Variants in PARD3 observed in about 807,000 individuals in gnomAD.
PARD3 encodes the protein partitioning defective 3 homolog.
In PARD3, 75 loss-of-function variants were observed where a neutral mutation model predicts 155.4. That is an observed-to-expected ratio of 0.48 (90% CI 0.40 to 0.58). PARD3 has a LOEUF of 0.58. PARD3 is among the 20% of genes least tolerant of loss of function. The pLI, the probability that PARD3 is intolerant of heterozygous loss-of-function variation, is 0.00. For missense variants in PARD3, 1,642 were observed against 1,721.7 expected (o/e 0.95, Z 0.82); for synonymous variants, 576 against 610.5 (o/e 0.94, Z 0.83).
chr10:34,706,349 C>G (rs1306733238), intron 1 of PARD3, among the ~76,000 whole-genome samples: 5 of 152,208 alleles, frequency 3.3e-5, no homozygotes. Context: ...CTCAGACTAA[C>G]ACTGGCAGTT....
At chr10:34,498,704 G>C (rs2080460127) in intron 3 of PARD3, among the ~76,000 whole-genome samples, 1 of 152,130 alleles carries the variant, frequency 6.6e-6, no homozygotes, top group Admixed American at 6.5e-5. Flanking sequence ...TTGAACCCAG[G>C]AGGCGGAGGT....
At chr10:34,768,778 C>A (rs1344953165) in intron 1 of PARD3, among the ~76,000 whole-genome samples, 1 of 152,244 alleles carries the variant, frequency 6.6e-6, no homozygotes, top group Non-Finnish European at 1.5e-5. Context: ...AGGCAAATGG[C>A]TTGGTCCTTG....
intron 22 of PARD3, among the ~76,000 whole-genome samples, chr10:34,192,187 C>A (rs1002484646): frequency 2.0e-5 from 3 of 152,058 alleles, no homozygotes; most frequent in African/African-American, 7.2e-5. Flanking sequence ...CCCACCTTAG[C>A]CTCCTGAGTA....
chr10:34,603,234 GC>G (rs1470337100), intron 2 of PARD3, among the ~76,000 whole-genome samples: 3 of 152,160 alleles, frequency 2.0e-5, no homozygotes, highest in Admixed American at 6.5e-5. Context: ...TTGGTGGGCT[GC>G]AAGTTTAAAT....
intron 20 of PARD3, among the ~76,000 whole-genome samples, chr10:34,302,417 C>A (rs994663567): frequency 1.3e-4 from 20 of 152,166 alleles, no homozygotes; most frequent in Admixed American, 1.3e-3. Flanking sequence ...CCATTATTAT[C>A]CACACTTCAC....
At position 34,300,631 on chromosome 10, in the gene PARD3, TAA is replaced by T. The variant is rs5784407; in HGVS notation, c.3066-16388_3066-16387del. Among the ~76,000 whole-genome samples, 703 of 148,186 alleles carry T rather than the reference TAA, an allele frequency of 4.7e-3. 1 individual carries two copies. The highest frequency in any genetic ancestry group is 0.014 in the African/African-American group (561 of 40,530). Reference sequence around the variant, plus strand: ...CTGGGTGACAGAGCAAGATCTTGTTTAAAAAAAAAAAAAAATGGCAGGGCTGG... The same window carrying T: ...CTGGGTGACAGAGCAAGATCTTGTTTAAAAAAAAAAAAATGGCAGGGCTGG... On this transcript the variant is annotated intron_variant, in intron 20 of 24. Coordinates refer to ENST00000374788, the MANE Select transcript of PARD3 (RefSeq NM_001184785.2).
At chr10:34,674,258 A>C (rs1252374632) in intron 2 of PARD3, among the ~76,000 whole-genome samples, 2 of 152,182 alleles carry the variant, frequency 1.3e-5, no homozygotes, top group Non-Finnish European at 2.9e-5. Context: ...CTGCCACAGC[A>C]ACACCTGAAA....
At chr10:34,675,166 T>G (rs2093682058) in intron 2 of PARD3, among the ~76,000 whole-genome samples, 1 of 152,210 alleles carries the variant, frequency 6.6e-6, no homozygotes, top group South Asian at 2.1e-4. Context: ...AATTTATATC[T>G]CTAATTTACA....
chr10:34,346,109 AG>A, intron 15 of PARD3: 1 of 1,006,478 alleles, frequency 9.9e-7, no homozygotes, highest in Non-Finnish European at 1.2e-6. Context: ...CAGAACTGGG[AG>A]AGAAGTTACT....
At position 34,811,667 on chromosome 10, in the gene PARD3, G is replaced by A. The variant is rs142496443; in HGVS notation, c.120+3209C>T. ...ATTTATACTGTTATATATTCTTCCT[G>A]TCTCCTAGATTATACTTTTTTTTGA... On this transcript the variant is annotated intron_variant, in intron 1 of 24. Coordinates refer to ENST00000374788, the MANE Select transcript of PARD3 (RefSeq NM_001184785.2). 2.9e-3 allele frequency among the ~76,000 whole-genome samples: 442 copies of A among 152,218 alleles called. 1 individual carries two copies. Among genetic ancestry groups the A allele is most frequent in the Middle Eastern group, 0.02 (6 of 294 alleles).
intron 21 of PARD3, among the ~76,000 whole-genome samples, chr10:34,278,178 C>G (rs1955979731): frequency 6.6e-6 from 1 of 151,690 alleles, no homozygotes; most frequent in African/African-American, 2.4e-5. Context: ...TCCTGAGTGT[C>G]TGGGACTACA....
intron 2 of PARD3, among the ~76,000 whole-genome samples, chr10:34,685,979 C>T (rs1357441972): frequency 6.6e-6 from 1 of 152,106 alleles, no homozygotes; most frequent in Non-Finnish European, 1.5e-5. Context: ...GGATCCCCAC[C>T]CTGCAACTCA....
intron 2 of PARD3, among the ~76,000 whole-genome samples, chr10:34,638,320 T>G (rs181242922): frequency 1.3e-4 from 20 of 152,244 alleles, no homozygotes; most frequent in Admixed American, 7.8e-4. Context: ...GTACTGAGAT[T>G]TCCTTTATAT....
intron 22 of PARD3, among the ~76,000 whole-genome samples, chr10:34,254,296 G>A (rs564505436): frequency 9.9e-5 from 15 of 151,854 alleles, no homozygotes; most frequent in African/African-American, 2.9e-4. Context: ...GAAGAATGGC[G>A]TGAACCCAGG....
intron 1 of PARD3, among the ~76,000 whole-genome samples, chr10:34,782,801 A>T: frequency 6.6e-6 from 1 of 151,010 alleles, no homozygotes; most frequent in East Asian, 1.9e-4. Context: ...ATCTTGGCTC[A>T]CTGCAGCCTC....
intron 1 of PARD3, among the ~76,000 whole-genome samples, chr10:34,810,846 A>AT (rs943114054): frequency 6.6e-6 from 1 of 152,178 alleles, no homozygotes; most frequent in African/African-American, 2.4e-5. Flanking sequence ...GCCAGGGAAT[A>AT]TTCCACTTGA....
chr10:34,372,255 G>A (rs180799747), intron 12 of PARD3, among the ~76,000 whole-genome samples: 2 of 152,056 alleles, frequency 1.3e-5, no homozygotes, highest in Non-Finnish European at 2.9e-5. Context: ...CTTTGCAAGT[G>A]AATAGGAAGT....
chr10:34,616,476 A>C (rs1300285057), intron 2 of PARD3, among the ~76,000 whole-genome samples: 2 of 152,228 alleles, frequency 1.3e-5, no homozygotes, highest in African/African-American at 4.8e-5. Flanking sequence ...TATTGGAATC[A>C]ATCTAAGTGT....
chr10:34,252,745 T>G (rs1340575166), intron 22 of PARD3, among the ~76,000 whole-genome samples: 2 of 148,992 alleles, frequency 1.3e-5, no homozygotes, highest in Non-Finnish European at 3.0e-5. Flanking sequence ...TATGTGTATG[T>G]GTGTATGTAT....
Sources: gnomAD v4.1 joint callset for allele counts (sites outside exome capture counted in the v4.1 genomes callset) on GRCh38, gnomAD v4.1.1 for gene constraint, MANE v1.5 for transcripts, NCBI Gene and HGNC (gene_info 2026-07-23, HGNC 2026-07-21) for gene names.